The following TNN variants were observed in gnomAD, a reference collection of about 807,000 sequenced individuals.
TNN encodes tenascin-N.
Under a neutral mutation model 134.4 loss-of-function variants are expected in TNN, and 122 were observed. That is an observed-to-expected ratio of 0.91 (90% confidence interval 0.78 to 1.06). The LOEUF (loss-of-function observed/expected upper bound fraction) is 1.06, where lower values mean the gene tolerates loss of function less well. TNN is among the 50% of genes least tolerant of loss of function. The probability of loss-of-function intolerance (pLI) is 0.00; values close to 1 mark genes in which losing one functional copy is unlikely to be tolerated. For missense variants in TNN, 1,739 were observed against 1,699.4 expected (o/e 1.02, Z -0.41); for synonymous variants, 710 against 670.3 (o/e 1.06, Z -0.91).
At chr1:175,121,333 A>G (rs1675370870) in intron 11 of TNN, among the ~76,000 whole-genome samples, 1 of 152,204 alleles carries the variant, frequency 6.6e-6, no homozygotes, top group Non-Finnish European at 1.5e-5. Context: ...CCCAGCTGGA[A>G]TAGTACCTGG....
At chr1:175,129,641 G>T (rs1675626911) in intron 15 of TNN, among the ~76,000 whole-genome samples, 1 of 151,928 alleles carries the variant, frequency 6.6e-6, no homozygotes, top group African/African-American at 2.4e-5. Flanking sequence ...AGAGAGGATT[G>T]TTTTTCTTAT....
chr1:175,146,548 T>A (rs1420553820), intron 18 of TNN, among the ~76,000 whole-genome samples: 3 of 152,196 alleles, frequency 2.0e-5, no homozygotes, highest in African/African-American at 7.2e-5. Flanking sequence ...TTTTTGCCTT[T>A]AATTTTTTGG....
chr1:175,089,470 T>C (rs1234222735), intron 6 of TNN, among the ~76,000 whole-genome samples: 1 of 152,178 alleles, frequency 6.6e-6, no homozygotes, highest in Non-Finnish European at 1.5e-5. Context: ...CCAGTGTCTC[T>C]GGGGGATTGG....
chr1:175,091,202 G>A (rs1236958150), intron 6 of TNN, among the ~76,000 whole-genome samples: 1 of 152,230 alleles, frequency 6.6e-6, no homozygotes. Flanking sequence ...AATGGTCAAG[G>A]AGAGCAAGCT....
chr1:175,107,560 C>T (rs1164776808), intron 9 of TNN, among the ~76,000 whole-genome samples: 3 of 146,720 alleles, frequency 2.0e-5, no homozygotes, highest in Admixed American at 6.8e-5. Context: ...ATAAAAGCAG[C>T]GTGGACCCAA....
In TNN at chr1:175,094,066, G is replaced by A; in HGVS notation, c.1401G>A (p.Gln467=). Residue 467 remains glutamine, a synonymous_variant, in exon 7 of 19, where the codon CAG becomes CAA. Transcript: ENST00000239462. ...DTATVSWDPV[Q]AVIDKYVVRY... Reference sequence around the variant, plus strand: ...CAACTGTCTCCTGGGACCCAGTGCAGGCTGTCATAGACAAGTATGTAGTGC... The same window carrying A: ...CAACTGTCTCCTGGGACCCAGTGCAAGCTGTCATAGACAAGTATGTAGTGC... The A allele has an allele frequency of 1.2e-6, 2 of 1,614,212 alleles. No individual in the cohort carries two copies. The highest frequency in any genetic ancestry group is 1.7e-6 in the Non-Finnish European group (2 of 1,180,000).
At chr1:175,108,067 T>C (rs1200768517) in intron 9 of TNN, among the ~76,000 whole-genome samples, 4 of 151,232 alleles carry the variant, frequency 2.6e-5, no homozygotes, top group Non-Finnish European at 2.9e-5. Flanking sequence ...TTGAGCTAGA[T>C]ACAGAGTGCC....
Position 175,098,609 on chromosome 1 carries a change from A to G in TNN, c.2119+14A>G, listed in dbSNP as rs1374360137. The G allele has an allele frequency of 9.3e-6, 15 of 1,613,720 alleles. No individual in the cohort carries two copies. Among genetic ancestry groups the G allele is most frequent in the African/African-American group, 4.0e-5 (3 of 74,886 alleles). On this transcript the variant is annotated intron_variant, in intron 9 of 18. Transcript: ENST00000239462. ...AGGCCCAGACAGGTAAGGAGTGTGC[A>G]TTATTGCTGTGCCGATGCCATGCTC...
chr1:175,072,802 G>T (rs996535905), intron 1 of TNN, among the ~76,000 whole-genome samples: 2 of 152,062 alleles, frequency 1.3e-5, no homozygotes, highest in Middle Eastern at 3.2e-3. Flanking sequence ...AAATCAGAAG[G>T]ACAGGCAACA....
intron 9 of TNN, among the ~76,000 whole-genome samples, chr1:175,103,869 A>G (rs1316757536): frequency 6.9e-6 from 1 of 144,798 alleles, no homozygotes; most frequent in Non-Finnish European, 1.5e-5. Context: ...TCAGTGTAAG[A>G]TTCCTACCTC....
chr1:175,118,784 G>T lies in TNN; in HGVS notation c.2610G>T (p.Gly870=), dbSNP rs760460296. ...EYTVHVWAQK[G]NQESKKADTK... ...CGGTGCACGTGTGGGCCCAGAAGGG[G>T]AACCAGGAGAGCAAGAAGGCTGACA... The change falls in exon 11 of 19, where the codon GGG becomes GGT. Residue 870 remains glycine, a synonymous_variant. Transcript: ENST00000239462. 1 of 1,614,198 alleles carries T rather than the reference G, an allele frequency of 6.2e-7. No individual in the cohort carries two copies. Among genetic ancestry groups the T allele is most frequent in the Admixed American group, 1.7e-5 (1 of 60,026 alleles).
In TNN at chr1:175,108,131, C is replaced by T. The variant is rs369444084; in HGVS notation, c.2120-8808C>T. On this transcript the variant is annotated intron_variant, in intron 9 of 18. Transcript: ENST00000239462. ...GACATAAAGGTTCTCCACATCCTCA[C>T]CAGAGCAGCTAGATACGGAGTGTTG... is the stretch of plus-strand genomic sequence containing the variant. Among the ~76,000 whole-genome samples the T allele has an allele frequency of 2.6e-4, 39 of 151,906 alleles. No individual in the cohort carries two copies. The South Asian group carries it at 8.1e-3, about 32-fold the overall frequency.
intron 15 of TNN, among the ~76,000 whole-genome samples, chr1:175,131,697 T>C (rs931183223): frequency 1.3e-5 from 2 of 152,196 alleles, no homozygotes; most frequent in Non-Finnish European, 2.9e-5. Flanking sequence ...GCTTAACTAC[T>C]TTATGATTTA....
intron 11 of TNN, among the ~76,000 whole-genome samples, chr1:175,120,951 C>A (rs142900719): frequency 6.6e-6 from 1 of 152,112 alleles, no homozygotes; most frequent in Non-Finnish European, 1.5e-5. Context: ...TAGGCACGTG[C>A]CACTAAACCT....
Position 175,101,306 on chromosome 1 carries a change from G to A in TNN, c.2119+2711G>A, listed in dbSNP as rs544878655. Among the ~76,000 whole-genome samples, 46 of 152,098 alleles carry A rather than the reference G, an allele frequency of 3.0e-4. 1 individual carries two copies. In the South Asian group the frequency reaches 4.6e-3, roughly 15 times the overall value. On this transcript the variant is annotated intron_variant, in intron 9 of 18. Transcript: ENST00000239462. Reference sequence around the variant, plus strand: ...AGTGTTACAGCTCTTAAGGCAGCGCGTCTGGAGTTGTTGGTTCCTCCCGGT... The same window carrying A: ...AGTGTTACAGCTCTTAAGGCAGCGCATCTGGAGTTGTTGGTTCCTCCCGGT...
rs779026691 is a variant in TNN, at chr1:175,077,619, C to A, written c.201C>A (p.Asp67Glu). The A allele has an allele frequency of 1.2e-6, 2 of 1,614,214 alleles. No homozygotes were observed. The highest frequency in any genetic ancestry group is 8.5e-7 in the Non-Finnish European group (1 of 1,180,034). Reference protein sequence around the residue: ...QVDADPQPLSDDGASLLALGE... With the variant: ...QVDADPQPLSEDGASLLALGE... ...ACGCTGACCCTCAGCCCCTCAGTGA[C>A]GATGGGGCTTCGCTCTTGGCCCTGG... Residue 67 changes from aspartate to glutamate, a missense_variant, in exon 2 of 19, where the codon GAC becomes GAA. Transcript: ENST00000239462.
chr1:175,083,806 G>A lies in TNN; in HGVS notation c.1105G>A (p.Val369Met), dbSNP rs78621546. Residue 369 changes from valine to methionine, a missense_variant, in exon 5 of 19, where the codon GTG (valine) becomes ATG (methionine). Coordinates refer to ENST00000239462, the MANE Select transcript of TNN (RefSeq NM_022093.2). The part of the protein sequence containing the change: ...VTDETENSLD[V>M]EWENPSTEVD... ...AGATGAGACTGAGAACTCCCTTGACGTGGAGTGGGAAAACCCCTCAACTGA... is the reference window on the plus strand; with the variant it reads ...AGATGAGACTGAGAACTCCCTTGACATGGAGTGGGAAAACCCCTCAACTGA... 5.7e-4 allele frequency: 922 copies of A among 1,614,174 alleles called. 5 individuals are homozygous for A. In the African/African-American group the frequency reaches 9.1e-3, roughly 16 times the overall value.
At chr1:175,142,909 C>T (rs553914330) in intron 17 of TNN, among the ~76,000 whole-genome samples, 1 of 152,346 alleles carries the variant, frequency 6.6e-6, no homozygotes, top group African/African-American at 2.4e-5. Context: ...AGCCACCGTG[C>T]CTGGCCCATT....
intron 9 of TNN, 120 bp from the exon 10 acceptor site, chr1:175,116,819 C>T: frequency 7.2e-7 from 1 of 1,380,518 alleles, no homozygotes; most frequent in Non-Finnish European, 1.0e-6. Flanking sequence ...AACTGAAAAC[C>T]AGCATATGAT....
Sources: gnomAD v4.1 joint callset for allele counts (sites outside exome capture counted in the v4.1 genomes callset) on GRCh38, gnomAD v4.1.1 for gene constraint, MANE v1.5 for transcripts, NCBI Gene and HGNC (gene_info 2026-07-23, HGNC 2026-07-21) for gene names.